The following KIF20B variants were observed in gnomAD, a reference collection of about 807,000 sequenced individuals.
KIF20B encodes kinesin-like protein KIF20B.
Under a neutral mutation model 232.5 loss-of-function variants are expected in KIF20B, and 188 were observed. That is an observed-to-expected ratio of 0.81 (90% CI 0.72 to 0.91). KIF20B has a LOEUF of 0.91. KIF20B is among the 40% of genes least tolerant of loss of function. The pLI, the probability that KIF20B is intolerant of heterozygous loss-of-function variation, is 0.00. For missense variants in KIF20B, 2,154 were observed against 2,055.9 expected (o/e 1.05, Z -0.92); for synonymous variants, 712 against 683.0 (o/e 1.04, Z -0.66).
intron 26 of KIF20B, among the ~76,000 whole-genome samples, chr10:89,756,375 A>C (rs1026762617): frequency 6.6e-6 from 1 of 152,138 alleles, no homozygotes; most frequent in Non-Finnish European, 1.5e-5. Context: ...TCCAATTCCA[A>C]ACCAGTGGTT....
chr10:89,764,797 C>T (rs1477269940), intron 29 of KIF20B, among the ~76,000 whole-genome samples: 1 of 151,738 alleles, frequency 6.6e-6, no homozygotes, highest in East Asian at 1.9e-4. Context: ...TGGATATTAG[C>T]CCTTTGTCAG....
chr10:89,757,207 G>A (rs1158919702), intron 26 of KIF20B, among the ~76,000 whole-genome samples: 1 of 151,608 alleles, frequency 6.6e-6, no homozygotes, highest in Non-Finnish European at 1.5e-5. Flanking sequence ...CCAAGGTATG[G>A]TATTGTCAGT....
intron 31 of KIF20B, among the ~76,000 whole-genome samples, chr10:89,770,337 AAAT>A (rs530811602): frequency 8.3e-4 from 127 of 152,180 alleles, no homozygotes; most frequent in African/African-American, 2.7e-3. Flanking sequence ...ACATTTAAAA[AAAT>A]ATGTACATTT....
chr10:89,764,928 T>C (rs1257885621), intron 29 of KIF20B, among the ~76,000 whole-genome samples: 1 of 151,728 alleles, frequency 6.6e-6, no homozygotes, highest in African/African-American at 2.4e-5. Context: ...ATTTTGGCTT[T>C]TGTTGCCATT....
At chr10:89,747,528 C>T (rs943588846) in intron 23 of KIF20B, among the ~76,000 whole-genome samples, 37 of 150,676 alleles carry the variant, frequency 2.5e-4, no homozygotes, top group African/African-American at 8.8e-4. Context: ...AAATGTGGCA[C>T]ATATACACCA....
chr10:89,736,820 C>T (rs1054797748), intron 19 of KIF20B, among the ~76,000 whole-genome samples: 8 of 152,094 alleles, frequency 5.3e-5, no homozygotes, highest in African/African-American at 7.2e-5. Context: ...AGGAAACAGT[C>T]GTAGTATGAA....
Position 89,717,470 on chromosome 10 carries a change from ATG to A in KIF20B, c.1101_1102del (p.Met367IlefsTer8), listed in dbSNP as rs775667770. The A allele has an allele frequency of 1.3e-6, 2 of 1,598,042 alleles. No individual in the cohort carries two copies. The highest frequency in any genetic ancestry group is 1.7e-6 in the Non-Finnish European group (2 of 1,167,866). ...AATATTACAGATTGAAGATTCTGAA[ATG>A]TCTCGTGTAATTCGAGTCAGTGAGT... Reference protein sequence around the residue: ...VKILQIEDSEMSRVIRVSELS... With the variant: ...VKILQIEDSEXSRVIRVSELS... On this transcript the variant is annotated frameshift_variant, in exon 10 of 33. Coordinates refer to ENST00000371728, the MANE Select transcript of KIF20B (RefSeq NM_001284259.2). LOFTEE classifies it high-confidence loss of function.
In KIF20B at chr10:89,726,347, G is replaced by A; in HGVS notation, c.2056G>A (p.Val686Ile). 2 of 1,553,524 alleles carry A rather than the reference G, an allele frequency of 1.3e-6. No individual in the cohort carries two copies. Among genetic ancestry groups the A allele is most frequent in the Non-Finnish European group, 8.7e-7 (1 of 1,147,718 alleles). ...TATTATTGATTCTCTTCAAGATAAT[G>A]TTGCTGATATTAAGAAACAGGCTGA... Reference protein sequence around the residue: ...EDIIDSLQDNVADIKKQAEIA... With the variant: ...EDIIDSLQDNIADIKKQAEIA... Residue 686 changes from valine (V) to isoleucine (I), a missense_variant, in exon 16 of 33, where the codon GTT becomes ATT. Coordinates refer to ENST00000371728, the MANE Select transcript of KIF20B (RefSeq NM_001284259.2).
At chr10:89,719,738 G>T (rs1564660431) in intron 13 of KIF20B, 32 bp downstream of exon 13, 3 of 1,499,546 alleles carry the variant, frequency 2.0e-6, no homozygotes, top group Non-Finnish European at 2.7e-6. Flanking sequence ...TTCTATGCTT[G>T]TCTTCTTATT....
In KIF20B at chr10:89,748,841, C is replaced by T. The variant is rs576920048; in HGVS notation, c.4097-2505C>T. Among the ~76,000 whole-genome samples the T allele has an allele frequency of 5.3e-5, 8 of 151,894 alleles. No individual in the cohort carries two copies. In the South Asian group the frequency reaches 1.7e-3, roughly 32 times the overall value. ...AATATGGAGAAGTATGGCATAGGCCCACCGTGACTATTTTAATCTGACTTC... is the reference window on the plus strand; with the variant it reads ...AATATGGAGAAGTATGGCATAGGCCTACCGTGACTATTTTAATCTGACTTC... On this transcript the variant is annotated intron_variant, in intron 23 of 32. Transcript: ENST00000371728.
intron 29 of KIF20B, among the ~76,000 whole-genome samples, chr10:89,764,607 ATC>A (rs1842315563): frequency 6.6e-6 from 1 of 152,144 alleles, no homozygotes; most frequent in Non-Finnish European, 1.5e-5. Flanking sequence ...GTGAGATGGT[ATC>A]TCACTGTGGT....
At position 89,738,517 on chromosome 10, in the gene KIF20B, AAAG is replaced by A. The variant is rs1307239105; in HGVS notation, c.3682_3684del (p.Glu1228del). ...TTTAAATGTAAAGGAACTCAAGCTG[AAAG>A]AAGAAATCACACAGTTAACAAATAA... On this transcript the variant is annotated inframe_deletion, in exon 20 of 33. Coordinates refer to ENST00000371728, the MANE Select transcript of KIF20B (RefSeq NM_001284259.2). 6 of 1,603,412 alleles carry A rather than the reference AAAG, an allele frequency of 3.7e-6. No individual in the cohort carries two copies. The highest frequency in any genetic ancestry group is 4.3e-6 in the Non-Finnish European group (5 of 1,175,668).
intron 14 of KIF20B, 67 bp downstream of exon 14, chr10:89,724,170 T>TA: frequency 7.5e-7 from 1 of 1,335,052 alleles, no homozygotes; most frequent in Non-Finnish European, 9.9e-7. Flanking sequence ...TTTTTTTTTT[T>TA]ACTTAGTTTA....
intron 23 of KIF20B, among the ~76,000 whole-genome samples, chr10:89,749,590 A>G (rs934738680): frequency 2.6e-5 from 4 of 152,172 alleles, no homozygotes; most frequent in African/African-American, 9.6e-5. Context: ...TCCAGCTCCT[A>G]TCAGCCACTA....
At chr10:89,731,979 T>C (rs1277543674) in intron 18 of KIF20B, among the ~76,000 whole-genome samples, 2 of 152,206 alleles carry the variant, frequency 1.3e-5, no homozygotes, top group Non-Finnish European at 2.9e-5. Context: ...ATACACTTTG[T>C]TTTTTCAAAT....
intron 2 of KIF20B, among the ~76,000 whole-genome samples, chr10:89,706,134 A>G (rs1842718868): frequency 6.6e-6 from 1 of 152,200 alleles, no homozygotes; most frequent in South Asian, 2.1e-4. Context: ...TGTAGGTTCC[A>G]GTGCTTCTAC....
chr10:89,734,258 A>G (rs562597637), intron 19 of KIF20B, among the ~76,000 whole-genome samples: 1 of 152,306 alleles, frequency 6.6e-6, no homozygotes, highest in African/African-American at 2.4e-5. Context: ...AAAATTACAA[A>G]AAATTAGCCT....
intron 28 of KIF20B, among the ~76,000 whole-genome samples, chr10:89,761,019 G>A (rs376856661): frequency 2.0e-4 from 31 of 152,072 alleles, no homozygotes; most frequent in Admixed American, 4.6e-4. Context: ...ATAACAACTC[G>A]TGAGTTTCCT....
At position 89,717,474 on chromosome 10, in the gene KIF20B, C is replaced by T. The variant is rs555767778; in HGVS notation, c.1103C>T (p.Ser368Phe). 10 of 1,597,798 alleles carry T rather than the reference C, an allele frequency of 6.3e-6. No individual in the cohort carries two copies. Among genetic ancestry groups the T allele is most frequent in the South Asian group, 1.1e-5 (1 of 89,918 alleles). The change falls in exon 10 of 33, where the codon TCT becomes TTT. Residue 368 changes from serine to phenylalanine, a missense_variant. Physicochemically the swap from Ser to Phe is radical, Grantham distance 155. Coordinates refer to ENST00000371728, the MANE Select transcript of KIF20B (RefSeq NM_001284259.2). ...KILQIEDSEM[S>F]RVIRVSELSL... ...TTACAGATTGAAGATTCTGAAATGT[C>T]TCGTGTAATTCGAGTCAGTGAGTAA...
Sources: allele counts gnomAD v4.1 joint callset (sites outside exome capture counted in the v4.1 genomes callset), GRCh38; gene constraint gnomAD v4.1.1; transcripts MANE v1.5; gene names NCBI Gene and HGNC (gene_info 2026-07-23, HGNC 2026-07-21).